ZNF831: variants seen among roughly 807,000 people sequenced by gnomAD.
ZNF831 encodes chromosome 20 open reading frame 174.
In ZNF831, 59 loss-of-function variants were observed where a neutral mutation model predicts 95.8. That is an observed-to-expected ratio of 0.62 (90% CI 0.50 to 0.77). The LOEUF is 0.77. Ranked by LOEUF, ZNF831 falls within the 30% of genes least tolerant of loss-of-function variation. The probability of loss-of-function intolerance (pLI) is 0.00; values close to 1 mark genes in which losing one functional copy is unlikely to be tolerated. For missense variants in ZNF831, 2,205 were observed against 2,164.0 expected (o/e 1.02, Z -0.38); for synonymous variants, 961 against 925.5 (o/e 1.04, Z -0.70).
chr20:59,155,035 C>T (rs559706156), intron 2 of ZNF831, among the ~76,000 whole-genome samples: 20 of 152,322 alleles, frequency 1.3e-4, no homozygotes, highest in African/African-American at 3.8e-4. Context: ...ATCTTACAGC[C>T]GTGAATGAAA....
intron 4 of ZNF831, among the ~76,000 whole-genome samples, chr20:59,219,487 T>A (rs572887369): frequency 6.6e-6 from 1 of 152,234 alleles, no homozygotes; most frequent in African/African-American, 2.4e-5. Context: ...GCTGATATGA[T>A]TAAGCTTCCA....
chr20:59,229,944 G>A (rs1986634632), intron 4 of ZNF831, among the ~76,000 whole-genome samples: 1 of 152,146 alleles, frequency 6.6e-6, no homozygotes, highest in Admixed American at 6.5e-5. Context: ...GCTGGAGAAA[G>A]AATATTCTAG....
At chr20:59,157,621 C>A (rs1379466064) in intron 2 of ZNF831, among the ~76,000 whole-genome samples, 1 of 152,186 alleles carries the variant, frequency 6.6e-6, no homozygotes, top group Non-Finnish European at 1.5e-5. Context: ...GACTTGGATT[C>A]AAGGAACAGT....
chr20:59,201,647 G>GTTTCACTTA (rs1404883391), intron 3 of ZNF831, among the ~76,000 whole-genome samples: 2 of 152,146 alleles, frequency 1.3e-5, no homozygotes, highest in East Asian at 3.9e-4. Context: ...GTTTACATAT[G>GTTTCACTTA]GTGTGATGTA....
chr20:59,254,263 G>A lies in ZNF831; in HGVS notation c.4554G>A (p.Gln1518=), dbSNP rs2146766738. Residue 1518 remains glutamine (Q), a synonymous_variant, in exon 6 of 6, where the codon CAG becomes CAA. Transcript: ENST00000371030. The surrounding 1 kb of genome is among the most constrained non-coding windows in gnomAD (Gnocchi z 4.5). ...IHSAESRDHS[Q]TAGRTLTSSS... Reference sequence around the variant, plus strand: ...GTGCTGAATCACGAGACCACAGCCAGACTGCAGGGAGGACTCTGACATCAA... The same window carrying A: ...GTGCTGAATCACGAGACCACAGCCAAACTGCAGGGAGGACTCTGACATCAA... 6.2e-7 allele frequency: 1 copy of A among 1,614,052 alleles called. No homozygotes were observed. Among genetic ancestry groups the A allele is most frequent in the Non-Finnish European group, 8.5e-7 (1 of 1,179,950 alleles).
intron 2 of ZNF831, among the ~76,000 whole-genome samples, chr20:59,152,933 T>G (rs1980329866): frequency 6.6e-6 from 1 of 152,154 alleles, no homozygotes; most frequent in South Asian, 2.1e-4. Flanking sequence ...CTACAAGGTT[T>G]TAGCTAGAGT....
At chr20:59,216,859 C>T (rs1332718991) in intron 4 of ZNF831, among the ~76,000 whole-genome samples, 1 of 151,806 alleles carries the variant, frequency 6.6e-6, no homozygotes, top group Non-Finnish European at 1.5e-5. Context: ...TCACTCTAGA[C>T]ACAGAGTGGA....
At chr20:59,199,098 TC>T (rs1984342173) in intron 3 of ZNF831, among the ~76,000 whole-genome samples, 1 of 131,344 alleles carries the variant, frequency 7.6e-6, no homozygotes, top group Non-Finnish European at 1.6e-5. Context: ...TATCTATCTA[TC>T]TATCTATCTA....
chr20:59,168,724 G>A (rs1178574454), intron 1 of ZNF831, among the ~76,000 whole-genome samples: 1 of 152,012 alleles, frequency 6.6e-6, no homozygotes, highest in African/African-American at 2.4e-5. Context: ...AAACTTTGGT[G>A]TTTTGTAGAT....
At chr20:59,198,942 T>C (rs1344326118) in intron 3 of ZNF831, among the ~76,000 whole-genome samples, 4 of 152,116 alleles carry the variant, frequency 2.6e-5, no homozygotes, top group Non-Finnish European at 5.9e-5. Context: ...CATGGATATC[T>C]AGGCATGGAC....
At chr20:59,138,443 C>A (rs939045634) in intron 1 of ZNF831, among the ~76,000 whole-genome samples, 2 of 151,928 alleles carry the variant, frequency 1.3e-5, no homozygotes, top group Non-Finnish European at 2.9e-5. Flanking sequence ...GTCTCGCTGG[C>A]CCCCGTCCCC....
At position 59,254,711 on chromosome 20, in the gene ZNF831, G is replaced by A. The variant is rs1988096451; in HGVS notation, c.5002G>A (p.Asp1668Asn). The change falls in exon 6 of 6, where the codon GAC (aspartate) becomes AAC (asparagine). Residue 1668 changes from aspartate (D) to asparagine (N), a missense_variant. Coordinates refer to ENST00000371030, the MANE Select transcript of ZNF831 (RefSeq NM_178457.3). The surrounding 1 kb of genome is among the most constrained non-coding windows in gnomAD (Gnocchi z 4.5). ...AGTAGAGTTCAGTGACACCAGCAGC[G>A]ACGATGAAGACCGATTAGTTATAGA... Reference protein sequence around the residue: ...TRVEFSDTSSDDEDRLVIEI With the variant: ...TRVEFSDTSSNDEDRLVIEI 2 of 1,611,950 alleles carry A rather than the reference G, an allele frequency of 1.2e-6. No homozygotes were observed. Among genetic ancestry groups the A allele is most frequent in the Non-Finnish European group, 1.7e-6 (2 of 1,179,468 alleles).
At chr20:59,251,026 G>A (rs906471220) in intron 4 of ZNF831, among the ~76,000 whole-genome samples, 2 of 152,144 alleles carry the variant, frequency 1.3e-5, no homozygotes, top group Admixed American at 1.3e-4. Context: ...ACAATGTTTT[G>A]TATTCTTAAA....
intron 1 of ZNF831, among the ~76,000 whole-genome samples, chr20:59,186,920 T>A (rs73309011): frequency 6.6e-6 from 1 of 150,672 alleles, no homozygotes; most frequent in South Asian, 2.1e-4. Context: ...TGCTGGTAAA[T>A]GTTGAGACTG....
chr20:59,173,164 T>A (rs1422106897), intron 1 of ZNF831, among the ~76,000 whole-genome samples: 2 of 152,196 alleles, frequency 1.3e-5, no homozygotes, highest in Non-Finnish European at 2.9e-5. Context: ...TGGAGGTCAA[T>A]GTTGTCAGTT....
At chr20:59,186,163 GT>G (rs1441206359) in intron 1 of ZNF831, among the ~76,000 whole-genome samples, 1 of 152,216 alleles carries the variant, frequency 6.6e-6, no homozygotes, top group Non-Finnish European at 1.5e-5. Flanking sequence ...GTCACCCACA[GT>G]GGGGACTTGC....
chr20:59,231,567 G>C (rs191953411), intron 4 of ZNF831, among the ~76,000 whole-genome samples: 3 of 152,212 alleles, frequency 2.0e-5, no homozygotes, highest in African/African-American at 7.2e-5. Flanking sequence ...ACGTCTTTTT[G>C]CTTGTTTGTC....
chr20:59,150,996 C>T (rs1012891858), intron 2 of ZNF831, among the ~76,000 whole-genome samples: 1 of 152,188 alleles, frequency 6.6e-6, no homozygotes, highest in East Asian at 1.9e-4. Context: ...GGCCCGCCTG[C>T]CCAGATGGGA....
intron 3 of ZNF831, among the ~76,000 whole-genome samples, chr20:59,201,793 A>G (rs1984548956): frequency 6.6e-6 from 1 of 152,234 alleles, no homozygotes; most frequent in South Asian, 2.1e-4. Flanking sequence ...CTTATTATAA[A>G]GCTAAAGTAT....
Sources: allele counts gnomAD v4.1 joint callset (sites outside exome capture counted in the v4.1 genomes callset), GRCh38; gene constraint gnomAD v4.1.1; non-coding constraint Gnocchi (gnomAD v3.1); transcripts MANE v1.5; gene names NCBI Gene and HGNC (gene_info 2026-07-23, HGNC 2026-07-21).